The following NRG1 variants were observed in gnomAD, a reference collection of about 807,000 sequenced individuals.
NRG1 encodes pro-neuregulin-1, membrane-bound isoform.
In NRG1, 18 loss-of-function variants were observed where a neutral mutation model predicts 63.8. The observed-to-expected ratio is 0.28, with a 90% confidence interval of 0.19 to 0.42. The LOEUF is 0.42. Ranked by LOEUF, NRG1 falls within the 10% of genes least tolerant of loss-of-function variation. NRG1 has a pLI of 1.00. For synonymous variants in NRG1, 302 were observed against 301.3 expected, an observed-to-expected ratio of 1.00 and a Z score of -0.02; for missense variants, 762 against 814.7, an observed-to-expected ratio of 0.94 and a Z score of 0.79.
At chr8:32,118,536 G>C (rs1344409144) in intron 1 of NRG1, among the ~76,000 whole-genome samples, 1 of 152,072 alleles carries the variant, frequency 6.6e-6, no homozygotes, top group African/African-American at 2.4e-5. Context: ...AAGTAACTGA[G>C]CCTCAGGTAT....
chr8:31,932,279 T>C (rs1349872278), intron 1 of NRG1, among the ~76,000 whole-genome samples: 2 of 152,218 alleles, frequency 1.3e-5, no homozygotes, highest in East Asian at 3.9e-4. Context: ...ACTCTTGCAT[T>C]ACCTTTCATC....
chr8:31,682,601 A>G (rs1016413165), intron 1 of NRG1, among the ~76,000 whole-genome samples: 2 of 152,060 alleles, frequency 1.3e-5, no homozygotes, highest in African/African-American at 4.8e-5. Flanking sequence ...TCTCCATACT[A>G]TTTCTCCAAC....
chr8:31,639,933 G>A lies in NRG1; in HGVS notation c.37+502G>A, dbSNP rs989253551. 24 of 1,120,076 alleles carry A rather than the reference G, an allele frequency of 2.1e-5. No homozygotes were observed. The Admixed American group carries it at 7.5e-4, about 35-fold the overall frequency. The allele number at this position is 1,120,076 out of a possible 1,614,324, so 69.4% of individuals were successfully genotyped here. ...GAAGGAAAAGGGAGGCAGCGCGAGA[G>A]AGCCGGGCAGAGTCCGAACCGACAG... On this transcript the variant is annotated intron_variant, in intron 1 of 10. Transcript: ENST00000519301.
chr8:32,487,164 AT>A (rs1297475942), intron 1 of NRG1, among the ~76,000 whole-genome samples: 7 of 145,972 alleles, frequency 4.8e-5, no homozygotes, highest in Non-Finnish European at 9.0e-5. Context: ...AAAAAAAAAA[AT>A]AACGTAAAAC....
chr8:31,997,013 GTTA>G (rs1812097561), intron 1 of NRG1, among the ~76,000 whole-genome samples: 1 of 151,844 alleles, frequency 6.6e-6, no homozygotes, highest in African/African-American at 2.4e-5. Context: ...AAACACAATA[GTTA>G]TTAAGGCAAA....
intron 1 of NRG1, among the ~76,000 whole-genome samples, chr8:32,345,956 C>T (rs1431470903): frequency 6.6e-6 from 1 of 151,524 alleles, no homozygotes; most frequent in Non-Finnish European, 1.5e-5. Context: ...TGCAGTGAGC[C>T]AAGATGGCAC....
chr8:32,280,681 T>G (rs1292122230), intron 1 of NRG1, among the ~76,000 whole-genome samples: 5 of 89,358 alleles, frequency 5.6e-5, no homozygotes, highest in Non-Finnish European at 8.7e-5. Flanking sequence ...CTGAATTAGG[T>G]TTTTTTTTTG....
intron 1 of NRG1, among the ~76,000 whole-genome samples, chr8:32,073,257 G>T (rs2131058026): frequency 6.6e-6 from 1 of 152,174 alleles, no homozygotes; most frequent in Middle Eastern, 3.4e-3. Flanking sequence ...GTTTCCATTT[G>T]GTCCTGTAAT....
At chr8:32,114,633 T>C (rs1375798607) in intron 1 of NRG1, among the ~76,000 whole-genome samples, 1 of 152,240 alleles carries the variant, frequency 6.6e-6, no homozygotes, top group African/African-American at 2.4e-5. Context: ...CCTTGGCTAC[T>C]TCTTATCTAT....
intron 1 of NRG1, among the ~76,000 whole-genome samples, chr8:31,860,513 T>A (rs1481617): frequency 0.66 from 100,506 of 152,008 alleles, 33,658 homozygotes; most frequent in East Asian, 0.92. Flanking sequence ...CAGGCAACAT[T>A]TGCCCATTAT....
intron 1 of NRG1, among the ~76,000 whole-genome samples, chr8:31,731,875 A>C (rs1197815393): frequency 6.6e-6 from 1 of 152,178 alleles, no homozygotes; most frequent in African/African-American, 2.4e-5. Context: ...ATCTAATATG[A>C]GTCATTTGAC....
At chr8:31,777,057 A>G (rs186343556) in intron 1 of NRG1, among the ~76,000 whole-genome samples, 1 of 152,184 alleles carries the variant, frequency 6.6e-6, no homozygotes, top group East Asian at 1.9e-4. Flanking sequence ...AATAGCGAAG[A>G]CTTGGAACCC....
intron 1 of NRG1, among the ~76,000 whole-genome samples, chr8:31,865,107 T>G (rs543413994): frequency 6.6e-6 from 1 of 152,268 alleles, no homozygotes; most frequent in East Asian, 1.9e-4. Context: ...GGCATCTCAG[T>G]AACTTTTGGC....
intron 1 of NRG1, among the ~76,000 whole-genome samples, chr8:31,919,084 C>A (rs1050812356): frequency 6.6e-6 from 1 of 151,730 alleles, no homozygotes; most frequent in African/African-American, 2.4e-5. Context: ...CTATTTGATT[C>A]TTCTCTCTTT....
chr8:31,789,317 G>T (rs1820469840), intron 1 of NRG1, among the ~76,000 whole-genome samples: 1 of 152,070 alleles, frequency 6.6e-6, no homozygotes, highest in Non-Finnish European at 1.5e-5. Context: ...GAACAGAATT[G>T]TTGTTTTCTT....
At chr8:32,105,762 TG>T (rs1181009837) in intron 1 of NRG1, among the ~76,000 whole-genome samples, 1 of 152,194 alleles carries the variant, frequency 6.6e-6, no homozygotes, top group Non-Finnish European at 1.5e-5. Context: ...TAACTCTTGA[TG>T]TTTTTATTAT....
At chr8:32,190,932 A>C (rs531636057) in intron 1 of NRG1, among the ~76,000 whole-genome samples, 3 of 152,314 alleles carry the variant, frequency 2.0e-5, no homozygotes, top group Non-Finnish European at 2.9e-5. Context: ...TATAATAGGC[A>C]GTACTTTGGT....
At chr8:31,797,210 T>A (rs1161699644) in intron 1 of NRG1, among the ~76,000 whole-genome samples, 2 of 152,230 alleles carry the variant, frequency 1.3e-5, no homozygotes, top group African/African-American at 4.8e-5. Flanking sequence ...TTTTTATTGA[T>A]ATCTCAGAGA....
chr8:32,622,824 G>A (rs963155323), intron 5 of NRG1, among the ~76,000 whole-genome samples: 3 of 152,202 alleles, frequency 2.0e-5, no homozygotes, highest in African/African-American at 7.2e-5. Flanking sequence ...ATGTATGGAA[G>A]AGAGCTAGTG....
Sources: gnomAD v4.1 joint callset for allele counts (sites outside exome capture counted in the v4.1 genomes callset) on GRCh38, gnomAD v4.1.1 for gene constraint, MANE v1.5 for transcripts, NCBI Gene and HGNC (gene_info 2026-07-23, HGNC 2026-07-21) for gene names.